PLBD1: variants seen among roughly 807,000 people sequenced by gnomAD.
PLBD1 encodes the protein lysosomal leucine aminopeptidase.
Under a neutral mutation model 63.0 loss-of-function variants are expected in PLBD1, and 60 were observed. The observed-to-expected ratio is 0.95, with a 90% CI of 0.77 to 1.18. The LOEUF is 1.18. PLBD1 is among the 50% of genes most tolerant of loss of function. The pLI is 0.00. For missense variants in PLBD1, 598 were observed against 677.9 expected (o/e 0.88, Z 1.31); for synonymous variants, 262 against 248.0 (o/e 1.06, Z -0.53).
At chr12:14,525,475 G>A (rs1945409459) in intron 6 of PLBD1, among the ~76,000 whole-genome samples, 4 of 151,928 alleles carry the variant, frequency 2.6e-5, no homozygotes, top group African/African-American at 7.3e-5. Context: ...AAAAGAGGAT[G>A]GAAAAAATAT....
At chr12:14,552,030 T>C (rs1432306217) in intron 2 of PLBD1, among the ~76,000 whole-genome samples, 1 of 152,182 alleles carries the variant, frequency 6.6e-6, no homozygotes, top group East Asian at 1.9e-4. Context: ...TAGTTTGTAT[T>C]AAAAAAGAGC....
At chr12:14,565,925 T>C (rs1252255913) in intron 1 of PLBD1, among the ~76,000 whole-genome samples, 1 of 152,202 alleles carries the variant, frequency 6.6e-6, no homozygotes, top group Non-Finnish European at 1.5e-5. Flanking sequence ...CCTCCAAGCA[T>C]GGAGTCAGCT....
At chr12:14,546,332 A>T (rs922961754) in intron 2 of PLBD1, among the ~76,000 whole-genome samples, 4 of 151,612 alleles carry the variant, frequency 2.6e-5, no homozygotes, top group Non-Finnish European at 5.9e-5. Context: ...AAAAAAAAAA[A>T]TGAAAAACAA....
chr12:14,543,216 AT>A (rs1945589619), intron 2 of PLBD1, among the ~76,000 whole-genome samples: 1 of 151,272 alleles, frequency 6.6e-6, no homozygotes, highest in Non-Finnish European at 1.5e-5. Flanking sequence ...AGTTTTGCTG[AT>A]TTAAAACCTA....
At chr12:14,516,412 G>C (rs1046269893) in intron 6 of PLBD1, among the ~76,000 whole-genome samples, 2 of 152,180 alleles carry the variant, frequency 1.3e-5, no homozygotes, top group African/African-American at 4.8e-5. Flanking sequence ...GGCTGCCATA[G>C]TCTCACAAAC....
chr12:14,565,638 A>T (rs1229919728), intron 1 of PLBD1, among the ~76,000 whole-genome samples: 1 of 152,160 alleles, frequency 6.6e-6, no homozygotes, highest in East Asian at 1.9e-4. Flanking sequence ...TTCAGAGAAC[A>T]CATGACAAGT....
rs1945259941 is a variant in PLBD1, at chr12:14,506,860, C to T, written c.1372+73G>A. ...TTCCTTCTAGTACAGAGATGATAAA[C>T]TTACATGGATTCTGTATCCATAGGG... is the stretch of plus-strand genomic sequence containing the variant. On this transcript the variant is annotated intron_variant, in intron 9 of 10. Coordinates refer to ENST00000240617, the MANE Select transcript of PLBD1 (RefSeq NM_024829.6). 2.4e-5 allele frequency: 33 copies of T among 1,371,668 alleles called. No homozygotes were observed. In the South Asian group the frequency reaches 3.9e-4, roughly 16 times the overall value. 85.0% of individuals were successfully genotyped at this position (1,371,668 alleles called of 1,614,324 possible). A position where few individuals can be genotyped will look rare whatever the true frequency, so the allele number is the denominator to read the frequency against.
At chr12:14,564,277 G>C (rs138242657) in intron 1 of PLBD1, among the ~76,000 whole-genome samples, 2,068 of 152,310 alleles carry the variant, frequency 0.014, 20 homozygotes, top group Non-Finnish European at 0.022. Context: ...TCATAGGTCT[G>C]CCAAATCAGC....
intron 6 of PLBD1, among the ~76,000 whole-genome samples, chr12:14,529,163 C>G (rs991618937): frequency 1.3e-5 from 2 of 151,780 alleles, no homozygotes; most frequent in Non-Finnish European, 1.5e-5. Context: ...CCACTGTACT[C>G]CAGCCTGGGG....
intron 4 of PLBD1, among the ~76,000 whole-genome samples, chr12:14,537,551 CT>C (rs1945530437): frequency 6.6e-6 from 1 of 152,180 alleles, no homozygotes; most frequent in South Asian, 2.1e-4. Flanking sequence ...TGTGTGTTTA[CT>C]ATAAGACTAA....
chr12:14,560,084 T>C (rs1010807204), intron 1 of PLBD1, among the ~76,000 whole-genome samples: 2 of 152,216 alleles, frequency 1.3e-5, no homozygotes, highest in Non-Finnish European at 2.9e-5. Flanking sequence ...GGTCTCGAAC[T>C]CTTGACCTCA....
At chr12:14,534,172 T>A (rs1007186760) in intron 6 of PLBD1, among the ~76,000 whole-genome samples, 1 of 152,042 alleles carries the variant, frequency 6.6e-6, no homozygotes, top group African/African-American at 2.4e-5. Context: ...GAATTTCTGA[T>A]AGGAAGAGCA....
At chr12:14,543,538 G>A (rs1177663126) in intron 2 of PLBD1, among the ~76,000 whole-genome samples, 1 of 152,062 alleles carries the variant, frequency 6.6e-6, no homozygotes, top group Admixed American at 6.5e-5. Flanking sequence ...CCAACATGGT[G>A]AAACCCCGTC....
intron 6 of PLBD1, among the ~76,000 whole-genome samples, chr12:14,530,535 C>T (rs1349753491): frequency 1.3e-5 from 2 of 152,178 alleles, no homozygotes; most frequent in East Asian, 3.8e-4. Flanking sequence ...TAGCATCAAA[C>T]ATTACTTAGG....
intron 6 of PLBD1, among the ~76,000 whole-genome samples, chr12:14,513,841 G>A (rs1218642344): frequency 6.6e-6 from 1 of 150,492 alleles, no homozygotes; most frequent in Admixed American, 6.6e-5. Flanking sequence ...GTGCAGTGGC[G>A]TGATCTTGGC....
At chr12:14,520,739 TG>T (rs995794620) in intron 6 of PLBD1, among the ~76,000 whole-genome samples, 26 of 152,294 alleles carry the variant, frequency 1.7e-4, no homozygotes, top group African/African-American at 6.0e-4. Context: ...AAGGTCGGTA[TG>T]AAACCAGGAG....
chr12:14,548,834 T>C (rs1220365244), intron 2 of PLBD1, among the ~76,000 whole-genome samples: 1 of 152,160 alleles, frequency 6.6e-6, no homozygotes, highest in Non-Finnish European at 1.5e-5. Context: ...ATTCAAACTG[T>C]GTAATACCAG....
intron 6 of PLBD1, among the ~76,000 whole-genome samples, chr12:14,535,305 T>C (rs1592002232): frequency 6.6e-6 from 1 of 152,158 alleles, no homozygotes; most frequent in Admixed American, 6.5e-5. Flanking sequence ...GCCCTCAAGG[T>C]GGTACCTGAG....
At chr12:14,528,282 T>C (rs769117459) in intron 6 of PLBD1, among the ~76,000 whole-genome samples, 8 of 152,190 alleles carry the variant, frequency 5.3e-5, no homozygotes, top group Non-Finnish European at 7.4e-5. Flanking sequence ...AGAATTTACA[T>C]TATTTTCTAC....
Sources: gnomAD v4.1 joint callset for allele counts (sites outside exome capture counted in the v4.1 genomes callset) on GRCh38, gnomAD v4.1.1 for gene constraint, MANE v1.5 for transcripts, NCBI Gene and HGNC (gene_info 2026-07-23, HGNC 2026-07-21) for gene names.